CFAP52: variants seen among roughly 807,000 people sequenced by gnomAD.
The protein encoded by CFAP52 is cilia and flagella associated protein 52.
In CFAP52, 57 loss-of-function variants were observed where a neutral mutation model predicts 70.5. The ratio of observed to expected loss-of-function variants is 0.81; its 90% CI spans 0.65 to 1.01. The LOEUF (loss-of-function observed/expected upper bound fraction) is 1.01. Ranked by LOEUF, CFAP52 falls within the 50% of genes least tolerant of loss-of-function variation. CFAP52 has a pLI of 0.00. For synonymous variants in CFAP52, 267 were observed against 292.5 expected, an observed-to-expected ratio of 0.91 and a Z score of 0.89; for missense variants, 785 against 788.5, an observed-to-expected ratio of 1.00 and a Z score of 0.05.
chr17:9,589,701 C>G (rs372735224), intron 3 of CFAP52, among the ~76,000 whole-genome samples: 42 of 149,582 alleles, frequency 2.8e-4, no homozygotes, highest in African/African-American at 1.0e-3. Context: ...CCATTGCACT[C>G]CAGCCTGGGG....
chr17:9,605,471 TG>T (rs1909445162), intron 6 of CFAP52, among the ~76,000 whole-genome samples: 1 of 151,740 alleles, frequency 6.6e-6, no homozygotes, highest in African/African-American at 2.4e-5. Flanking sequence ...CAGCACTTTG[TG>T]GGGAGCTGAG....
At chr17:9,637,515 G>A (rs1290259504) in intron 11 of CFAP52, among the ~76,000 whole-genome samples, 2 of 152,222 alleles carry the variant, frequency 1.3e-5, no homozygotes, top group African/African-American at 4.8e-5. Context: ...TCTGTGGAAG[G>A]AGAAGCGATA....
rs1233271801 is a variant in CFAP52, at chr17:9,622,916, A to G, written c.1026-5756A>G. Among the ~76,000 whole-genome samples, 235 of 152,148 alleles carry G rather than the reference A, an allele frequency of 1.5e-3. 1 individual carries two copies. The highest frequency in any genetic ancestry group is 4.3e-4 in the Non-Finnish European group (29 of 67,980). On this transcript the variant is annotated intron_variant, in intron 8 of 13. Coordinates refer to ENST00000352665, the MANE Select transcript of CFAP52 (RefSeq NM_145054.5). ...CTGCTTTTGAACTTTATGTAAATAG[A>G]ATATTTCAATATGTACTTTGGAGAT... is the stretch of plus-strand genomic sequence containing the variant.
At chr17:9,586,609 T>C (rs1908495960) in intron 2 of CFAP52, 89 bp from the exon 3 acceptor site, 2 of 1,374,032 alleles carry the variant, frequency 1.5e-6, no homozygotes, top group Admixed American at 5.1e-5. Context: ...AAAGTGACAG[T>C]ACTAATTGTT....
chr17:9,632,963 G>A lies in CFAP52; in HGVS notation c.1250G>A (p.Arg417Lys). 6.2e-7 allele frequency: 1 copy of A among 1,614,226 alleles called. No homozygotes were observed. ...ATGTATGTCATTAACAATGCTCACA[G>A]GATCGGCGTCACCGCCATCGCCACC... ...RLMYVINNAH[R>K]IGVTAIATTS... The change falls in exon 10 of 14, where the codon AGG becomes AAG. Residue 417 changes from arginine to lysine, a missense_variant. Transcript: ENST00000352665.
intron 6 of CFAP52, among the ~76,000 whole-genome samples, chr17:9,605,967 T>C (rs568619884): frequency 6.6e-6 from 1 of 152,174 alleles, no homozygotes; most frequent in Non-Finnish European, 1.5e-5. Flanking sequence ...CTGGAAGATA[T>C]TGATAATGGG....
intron 3 of CFAP52, among the ~76,000 whole-genome samples, chr17:9,587,861 C>T (rs1386378387): frequency 2.6e-5 from 4 of 152,098 alleles, no homozygotes; most frequent in African/African-American, 4.8e-5. Context: ...TCTCTTGGCC[C>T]GTCTGTATTT....
chr17:9,640,206 G>C (rs1910988517), intron 12 of CFAP52, among the ~76,000 whole-genome samples: 1 of 150,282 alleles, frequency 6.7e-6, no homozygotes, highest in Non-Finnish European at 1.5e-5. Flanking sequence ...TTGCACTCCT[G>C]ATTCCTGGTC....
chr17:9,585,799 C>T lies in CFAP52; in HGVS notation c.97C>T (p.His33Tyr). 2 of 1,614,106 alleles carry T rather than the reference C, an allele frequency of 1.2e-6. No individual in the cohort carries two copies. Among genetic ancestry groups the T allele is most frequent in the Non-Finnish European group, 1.7e-6 (2 of 1,180,018 alleles). Residue 33 changes from histidine to tyrosine, a missense_variant, in exon 2 of 14, where the codon CAT (histidine) becomes TAT (tyrosine). Transcript: ENST00000352665. Reference sequence around the variant, plus strand: ...ACATGTGCCCACTGGTCTCAAATGCCATCCTGACCAGGAGCATATGATTTA... The same window carrying T: ...ACATGTGCCCACTGGTCTCAAATGCTATCCTGACCAGGAGCATATGATTTA... ...NGHVPTGLKC[H>Y]PDQEHMIYPL...
chr17:9,603,488 C>T (rs972731698), intron 6 of CFAP52, among the ~76,000 whole-genome samples: 4 of 152,300 alleles, frequency 2.6e-5, no homozygotes, highest in Middle Eastern at 3.4e-3. Flanking sequence ...GGATTACAGG[C>T]GTGAGCCACC....
chr17:9,594,893 G>GA (rs1555541460), intron 4 of CFAP52, among the ~76,000 whole-genome samples: 1 of 130,770 alleles, frequency 7.6e-6, no homozygotes, highest in Admixed American at 8.3e-5. Flanking sequence ...ATTAGGGAGG[G>GA]TTTTTTTTTT....
chr17:9,616,253 A>G (rs1909913759), intron 8 of CFAP52, among the ~76,000 whole-genome samples: 1 of 146,936 alleles, frequency 6.8e-6, no homozygotes, highest in Admixed American at 6.8e-5. Flanking sequence ...CACCTGGAAA[A>G]TCGGGTCACT....
At chr17:9,613,857 G>A (rs538730404) in intron 8 of CFAP52, among the ~76,000 whole-genome samples, 7 of 151,776 alleles carry the variant, frequency 4.6e-5, no homozygotes, top group South Asian at 4.2e-4. Flanking sequence ...TGTAGTTTCC[G>A]TTCCCTGAAT....
chr17:9,594,411 G>A (rs748290034), intron 4 of CFAP52, 90 bp downstream of exon 4: 14 of 1,496,034 alleles, frequency 9.4e-6, no homozygotes, highest in African/African-American at 2.8e-5. Context: ...GGGGGAACAC[G>A]TCTTTAGTCC....
At chr17:9,631,757 A>G (rs1481230034) in intron 9 of CFAP52, among the ~76,000 whole-genome samples, 1 of 151,172 alleles carries the variant, frequency 6.6e-6, no homozygotes, top group African/African-American at 2.4e-5. Context: ...CAGTGGGAAA[A>G]TGTTTTGGAA....
intron 9 of CFAP52, among the ~76,000 whole-genome samples, chr17:9,629,496 T>TTTCTTTTCTTTCTTTCTTTCTTTCTTC (rs375629381): frequency 1.4e-5 from 2 of 146,354 alleles, no homozygotes; most frequent in South Asian, 2.1e-4. Flanking sequence ...TCTTTCTTTC[T>TTTCTTTTCTTTCTTTCTTTCTTTCTTC]TTTCTTTTCT....
At chr17:9,625,984 G>A (rs1644897934) in intron 8 of CFAP52, among the ~76,000 whole-genome samples, 1 of 152,066 alleles carries the variant, frequency 6.6e-6, no homozygotes, top group South Asian at 2.1e-4. Context: ...TATTGTTAAG[G>A]GCAAAATTAT....
intron 9 of CFAP52, among the ~76,000 whole-genome samples, chr17:9,631,052 G>GACAGAGAGAAAGAAAGAAAGAA (rs1555544296): frequency 5.3e-5 from 2 of 37,950 alleles, no homozygotes; most frequent in Non-Finnish European, 8.9e-5. Context: ...GAGAGAGAGA[G>GACAGAGAGAAAGAAAGAAAGAA]AGAAAGAAAG....
intron 1 of CFAP52, among the ~76,000 whole-genome samples, chr17:9,579,227 G>A (rs1908105473): frequency 6.6e-6 from 1 of 152,122 alleles, no homozygotes; most frequent in Non-Finnish European, 1.5e-5. Flanking sequence ...GAGGGAGAGA[G>A]AGAAAAGACA....
Sources: allele counts gnomAD v4.1 joint callset (sites outside exome capture counted in the v4.1 genomes callset), GRCh38; gene constraint gnomAD v4.1.1; transcripts MANE v1.5; gene names NCBI Gene and HGNC (gene_info 2026-07-23, HGNC 2026-07-21).